Variants in EPPIN observed in about 807,000 individuals in gnomAD.
EPPIN encodes WAP four-disulfide core domain protein 7.
A neutral mutation model predicts 18.8 loss-of-function variants in EPPIN; 14 were observed. The ratio of observed to expected loss-of-function variants is 0.75; its 90% confidence interval spans 0.49 to 1.17. The LOEUF is 1.17. Ranked by LOEUF, EPPIN falls within the 50% of genes most tolerant of loss-of-function variation. The pLI is 0.00. For missense variants in EPPIN, 143 were observed against 154.2 expected (o/e 0.93, Z 0.39); for synonymous variants, 57 against 54.8 (o/e 1.04, Z -0.18).
intron 3 of EPPIN, chr20:45,542,491 T>C: frequency 1.4e-6 from 1 of 730,610 alleles, no homozygotes; most frequent in Non-Finnish European, 2.2e-6. Context: ...ATTGATTACT[T>C]CTACATCCCT....
In EPPIN at chr20:45,542,115, G is replaced by A. The variant is rs1600874677; in HGVS notation, c.*29C>T. The A allele has an allele frequency of 6.2e-7, 1 of 1,613,356 alleles. No homozygotes were observed. The highest frequency in any genetic ancestry group is 2.2e-5 in the East Asian group (1 of 44,826). On this transcript the variant is annotated 3_prime_UTR_variant, in exon 4 of 4. Coordinates refer to ENST00000354280, the MANE Select transcript of EPPIN (RefSeq NM_020398.4). The stretch of plus-strand genomic sequence containing the variant: ...GTACTCAGAGCATGAGCCACATTCT[G>A]GCAGTTCTTCCAGTGCATCCTTATC...
chr20:45,545,580 A>G (rs2145553359), intron 2 of EPPIN, 59 bp downstream of exon 2: 1 of 1,609,998 alleles, frequency 6.2e-7, no homozygotes, highest in Non-Finnish European at 8.5e-7. Flanking sequence ...CAGTCCAGGA[A>G]GGCAGAAGGT....
At position 45,542,681 on chromosome 20, in the gene EPPIN, C is replaced by T. The variant is rs373594557; in HGVS notation, c.391+19G>A. 39 of 1,608,926 alleles carry T rather than the reference C, an allele frequency of 2.4e-5. No homozygotes were observed. The highest frequency in any genetic ancestry group is 5.4e-5 in the African/African-American group (4 of 74,676). On this transcript the variant is annotated intron_variant, in intron 3 of 3. Transcript: ENST00000354280. ...CATGGGACTGGAGAGGATGAAAGAC[C>T]GGGGCCCCTAGGACTTACGTTTATT...
intron 2 of EPPIN, chr20:45,543,461 A>G (rs1022513260): frequency 3.3e-5 from 5 of 152,310 alleles, no homozygotes; most frequent in African/African-American, 9.6e-5. Context: ...GGTCCCAACT[A>G]AATAATGCTT....
In EPPIN at chr20:45,541,180, A is replaced by G. The variant is rs1208882875; in HGVS notation, c.*964T>C. ...AAGTAACGCAGGAACAAAAGTAAAT[A>G]CCACATGTTCTCACTTGCAAGTGGG... is the stretch of plus-strand genomic sequence containing the variant. On this transcript the variant is annotated 3_prime_UTR_variant, in exon 4 of 4. Coordinates refer to ENST00000354280, the MANE Select transcript of EPPIN (RefSeq NM_020398.4). 1 of 152,088 alleles carries G rather than the reference A, an allele frequency of 6.6e-6. No individual in the cohort carries two copies. The highest frequency in any genetic ancestry group is 1.5e-5 in the Non-Finnish European group (1 of 68,018). 9.4% of individuals were successfully genotyped at this position (152,088 alleles called of 1,614,324 possible).
At position 45,544,710 on chromosome 20, in the gene EPPIN, T is replaced by C. The variant is rs545531701; in HGVS notation, c.223+929A>G. On this transcript the variant is annotated intron_variant, in intron 2 of 3. Transcript: ENST00000354280. ...CCTTTAAGATACTCTGTTCCTCCTA[T>C]TTTAAACTCGATAGATGTAGTATGA... The C allele has an allele frequency of 3.9e-5, 6 of 152,274 alleles. No homozygotes were observed. The East Asian group carries it at 1.2e-3, about 29-fold the overall frequency. 9.4% of individuals were successfully genotyped at this position (152,274 alleles called of 1,614,324 possible).
intron 2 of EPPIN, chr20:45,544,833 C>T (rs893658136): frequency 6.6e-6 from 1 of 152,226 alleles, no homozygotes; most frequent in Non-Finnish European, 1.5e-5. Context: ...ATTGTTTGAT[C>T]TCTGCCCACC....
intron 2 of EPPIN, chr20:45,543,483 T>C (rs1417440559): frequency 6.6e-6 from 1 of 152,218 alleles, no homozygotes; most frequent in Non-Finnish European, 1.5e-5. Flanking sequence ...CACAGTTCCA[T>C]TTGGGTAAAT....
At position 45,545,744 on chromosome 20, in the gene EPPIN, A is replaced by G. The variant is rs1460533951; in HGVS notation, c.118T>C (p.Cys40Arg). ...PRRCPKIREE[C>R]EFQERDVCTK... is the part of the protein sequence containing the mutation. Reference sequence around the variant, plus strand: ...CACACATCCCTTTCTTGGAATTCACATTCTTCTCTGATTTTGGGACATCTC... The same window carrying G: ...CACACATCCCTTTCTTGGAATTCACGTTCTTCTCTGATTTTGGGACATCTC... The change falls in exon 2 of 4, where the codon TGT (cysteine) becomes CGT (arginine). Residue 40 changes from cysteine (C) to arginine (R), a missense_variant. Coordinates refer to ENST00000354280, the MANE Select transcript of EPPIN (RefSeq NM_020398.4). The G allele has an allele frequency of 2.5e-6, 4 of 1,613,830 alleles. No homozygotes were observed. The highest frequency in any genetic ancestry group is 3.4e-6 in the Non-Finnish European group (4 of 1,179,904).
chr20:45,542,307 A>AT (rs1979628363), intron 3 of EPPIN, 153 bp from the exon 4 acceptor site: 2 of 950,060 alleles, frequency 2.1e-6, no homozygotes, highest in Admixed American at 5.4e-5. Context: ...GGAAAAACAA[A>AT]TAGGAGTGAA....
At chr20:45,543,498 AC>A (rs1426029145) in intron 2 of EPPIN, 2 of 152,186 alleles carry the variant, frequency 1.3e-5, no homozygotes, top group African/African-American at 4.8e-5. Context: ...GTAAATCTCC[AC>A]TGCTAAACAA....
rs929399924 is a variant in EPPIN at position 45,541,981 on chromosome 20, G to C, written c.*163C>G. On this transcript the variant is annotated 3_prime_UTR_variant, in exon 4 of 4. Coordinates refer to ENST00000354280, the MANE Select transcript of EPPIN (RefSeq NM_020398.4). The stretch of plus-strand genomic sequence containing the variant: ...TTGTGCATCAAAAGAGCCAAAGATG[G>C]AGGAAGAGGAGGTAGATGCAAGCGT... 1.5e-5 allele frequency: 11 copies of C among 710,412 alleles called. No homozygotes were observed. Among genetic ancestry groups the C allele is most frequent in the Admixed American group, 6.4e-5 (2 of 31,390 alleles). 44.0% of individuals were successfully genotyped at this position (710,412 alleles called of 1,614,324 possible). A position where few individuals can be genotyped will look rare whatever the true frequency, so the allele number is the denominator to read the frequency against.
intron 1 of EPPIN, among the ~76,000 whole-genome samples, 155 bp downstream of exon 1, chr20:45,547,112 A>C (rs6104208): frequency 0.047 from 7,100 of 152,236 alleles, 377 homozygotes; most frequent in Admixed American, 0.11. Context: ...AAGGAATCTT[A>C]CACAGGAGGG....
chr20:45,546,922 C>T (rs1053018968), intron 1 of EPPIN, among the ~76,000 whole-genome samples: 1 of 152,072 alleles, frequency 6.6e-6, no homozygotes, highest in African/African-American at 2.4e-5. Context: ...GATGATGCCT[C>T]AAGGAAGGGG....
chr20:45,542,055 A>G lies in EPPIN; in HGVS notation c.*89T>C. On this transcript the variant is annotated 3_prime_UTR_variant, in exon 4 of 4. Coordinates refer to ENST00000354280, the MANE Select transcript of EPPIN (RefSeq NM_020398.4). The stretch of plus-strand genomic sequence containing the variant: ...CTTGGAATGCTGAGAGTGAAACTGG[A>G]AGCCAGTCTGGAGCATCCGTCAGGT... 6.5e-7 allele frequency: 1 copy of G among 1,546,154 alleles called. No homozygotes were observed. The highest frequency in any genetic ancestry group is 1.8e-5 in the Admixed American group (1 of 54,416).
At chr20:45,545,307 A>G (rs1979778290) in intron 2 of EPPIN, 2 of 321,382 alleles carry the variant, frequency 6.2e-6, no homozygotes, top group South Asian at 6.5e-5. Context: ...CACTTGCAGC[A>G]TATGTTAGGG....
Position 45,542,755 on chromosome 20 carries a change from T to C in EPPIN, c.336A>G (p.Gly112=), listed in dbSNP as rs1600875389. 1 of 1,613,984 alleles carries C rather than the reference T, an allele frequency of 6.2e-7. No homozygotes were observed. The highest frequency in any genetic ancestry group is 8.5e-7 in the Non-Finnish European group (1 of 1,179,880). Residue 112 remains glycine (G), a synonymous_variant, in exon 3 of 4, where the codon GGA becomes GGG. Coordinates refer to ENST00000354280, the MANE Select transcript of EPPIN (RefSeq NM_020398.4). ...CSMFVYGGCQ[G]NNNNFQSKAN... is the part of the protein sequence containing the mutation. ...CTTTGGATTGGAAGTTGTTATTGTT[T>C]CCCTGGCAGCCACCATAGACAAACA...
intron 2 of EPPIN, chr20:45,543,482 A>T (rs1979690942): frequency 6.6e-6 from 1 of 152,224 alleles, no homozygotes; most frequent in Non-Finnish European, 1.5e-5. Flanking sequence ...ACACAGTTCC[A>T]TTTGGGTAAA....
chr20:45,545,519 A>G, intron 2 of EPPIN, 120 bp downstream of exon 2: 2 of 1,547,940 alleles, frequency 1.3e-6, no homozygotes, highest in Non-Finnish European at 8.8e-7. Flanking sequence ...CAGGTCTCCC[A>G]AGTCCAGCAG....
Sources: gnomAD v4.1 joint callset for allele counts (sites outside exome capture counted in the v4.1 genomes callset) on GRCh38, gnomAD v4.1.1 for gene constraint, MANE v1.5 for transcripts, NCBI Gene and HGNC (gene_info 2026-07-23, HGNC 2026-07-21) for gene names.